Variants in CYP2A6 observed in about 807,000 individuals in gnomAD.
The protein encoded by CYP2A6 is cytochrome P450 2A6.
A neutral mutation model predicts 42.3 loss-of-function variants in CYP2A6; 27 were observed. The observed-to-expected ratio is 0.64, with a 90% CI of 0.47 to 0.88. The LOEUF is 0.88. Ranked by LOEUF, CYP2A6 falls within the 40% of genes least tolerant of loss-of-function variation. The pLI is 0.00. For synonymous variants in CYP2A6, 238 were observed against 246.3 expected (o/e 0.97, Z 0.31); for missense variants, 628 against 646.0 (o/e 0.97, Z 0.30).
At chr19:40,846,493 T>A (rs1358327983) in intron 5 of CYP2A6, among the ~76,000 whole-genome samples, 1 of 151,344 alleles carries the variant, frequency 6.6e-6, no homozygotes, top group Non-Finnish European at 1.5e-5. Context: ...CTCACTTACT[T>A]TTTAAACAAT....
intron 1 of CYP2A6, 105 bp from the exon 2 acceptor site, chr19:40,850,085 A>G (rs1967193045): frequency 6.5e-7 from 1 of 1,546,546 alleles, no homozygotes; most frequent in African/African-American, 1.4e-5. Context: ...AGGTTCTCAC[A>G]GTCAGGGAGC....
chr19:40,843,584 A>C lies in CYP2A6; in HGVS notation c.*212T>G, dbSNP rs1422954810. ...TATTATTACTACTCTTCATAGCATA[A>C]TGTAAGGGTTTCCTTCCTCTCATCC... On this transcript the variant is annotated 3_prime_UTR_variant, in exon 9 of 9. Transcript: ENST00000301141. 4 of 865,366 alleles carry C rather than the reference A, an allele frequency of 4.6e-6. No homozygotes were observed. Among genetic ancestry groups the C allele is most frequent in the Non-Finnish European group, 6.9e-6 (4 of 579,032 alleles). 53.6% of individuals were successfully genotyped at this position (865,366 alleles called of 1,614,324 possible).
rs776744913 is a variant in CYP2A6, at chr19:40,849,929, C to T, written c.232G>A (p.Val78Ile). ...VFTIHLGPRR[V>I]VVLCGHDAVR... ...GCATCATGTCCACACAGCACCACGA[C>T]CCGCCGGGGCCCCAAGTGAATGGTG... The change falls in exon 2 of 9, where the codon GTC (valine) becomes ATC (isoleucine). Residue 78 changes from valine to isoleucine, a missense_variant. Physicochemically the swap from Val to Ile is conservative, Grantham distance 29 (BLOSUM62 3). Around this residue, in one of 2 missense-constraint regions of CYP2A6, gnomAD observed 606 missense variants for 568.1 expected, o/e 1.07. Coordinates refer to ENST00000301141, the MANE Select transcript of CYP2A6 (RefSeq NM_000762.6). 6 of 1,611,464 alleles carry T rather than the reference C, an allele frequency of 3.7e-6. No homozygotes were observed. The highest frequency in any genetic ancestry group is 1.3e-5 in the African/African-American group (1 of 74,618).
rs373566142 is a variant in CYP2A6 at position 40,848,734 on chromosome 19, T to C, written c.373A>G (p.Lys125Glu). 2 of 1,611,494 alleles carry C rather than the reference T, an allele frequency of 1.2e-6. No homozygotes were observed. The highest frequency in any genetic ancestry group is 2.7e-5 in the African/African-American group (2 of 74,624). The part of the protein sequence containing the change: ...GVVFSNGERA[K>E]QLRRFSIATL... ...GCGATGGAGAAGCGCCGGAGCTGCTTGGCGCGCTCCCCGTTGCTGAATACC... is the reference window on the plus strand; with the variant it reads ...GCGATGGAGAAGCGCCGGAGCTGCTCGGCGCGCTCCCCGTTGCTGAATACC... The change falls in exon 3 of 9, where the codon AAG becomes GAG. Residue 125 changes from lysine (K) to glutamate (E), a missense_variant. Physicochemically the swap from Lys to Glu is moderately conservative, Grantham distance 56. Coordinates refer to ENST00000301141, the MANE Select transcript of CYP2A6 (RefSeq NM_000762.6).
rs746509603 is a variant in CYP2A6 at position 40,849,788 on chromosome 19, C to T, written c.343+30G>A. ...CACTGAGACCTTCGTGTCCACCTGGCCACCTTCCCCCTCTTGGGCACCCCC... is the reference window on the plus strand; with the variant it reads ...CACTGAGACCTTCGTGTCCACCTGGTCACCTTCCCCCTCTTGGGCACCCCC... On this transcript the variant is annotated intron_variant, in intron 2 of 8. Coordinates refer to ENST00000301141, the MANE Select transcript of CYP2A6 (RefSeq NM_000762.6). 5 of 1,607,924 alleles carry T rather than the reference C, an allele frequency of 3.1e-6. 1 individual carries two copies. The East Asian group carries it at 9.2e-5, about 30-fold the overall frequency.
chr19:40,849,927 G>A lies in CYP2A6; in HGVS notation c.234C>T (p.Val78=), dbSNP rs147022782. 1.7e-5 allele frequency: 27 copies of A among 1,611,250 alleles called. No individual in the cohort carries two copies. In the African/African-American group the frequency reaches 2.8e-4, roughly 17 times the overall value. The change falls in exon 2 of 9, where the codon GTC becomes GTT. Residue 78 remains valine (V), a synonymous_variant. Transcript: ENST00000301141. The part of the protein sequence containing the change: ...VFTIHLGPRR[V]VVLCGHDAVR... Reference sequence around the variant, plus strand: ...CGGCATCATGTCCACACAGCACCACGACCCGCCGGGGCCCCAAGTGAATGG... The same window carrying A: ...CGGCATCATGTCCACACAGCACCACAACCCGCCGGGGCCCCAAGTGAATGG...
chr19:40,848,940 TAGAGAGAGAGAGAGAG>T (rs67032351), intron 2 of CYP2A6, among the ~76,000 whole-genome samples, 177 bp from the exon 3 acceptor site: 4 of 66,164 alleles, frequency 6.0e-5, no homozygotes, highest in East Asian at 5.5e-4. Context: ...GATGTCGAGG[TAGAGAGAGAGAGAGAG>T]AGAGAGAGAG....
intron 7 of CYP2A6, 173 bp from the exon 8 acceptor site, chr19:40,844,945 A>G: frequency 1.1e-6 from 1 of 875,624 alleles, no homozygotes; most frequent in Non-Finnish European, 1.7e-6. Context: ...CATCTCTGAA[A>G]CAGGAAGTTT....
intron 8 of CYP2A6, 27 bp downstream of exon 8, chr19:40,844,604 G>C: frequency 1.9e-6 from 3 of 1,611,002 alleles, no homozygotes; most frequent in Non-Finnish European, 1.7e-6. Flanking sequence ...GTGAGCCGTG[G>C]CCTGGCAGCA....
intron 2 of CYP2A6, among the ~76,000 whole-genome samples, chr19:40,849,079 A>AGAGAGAGC (rs1967173402): frequency 1.4e-5 from 2 of 147,278 alleles, no homozygotes; most frequent in Non-Finnish European, 3.0e-5. Flanking sequence ...AGAGAGAGAG[A>AGAGAGAGC]GAGAGAGAGA....
At chr19:40,849,714 C>T (rs1484929367) in intron 2 of CYP2A6, 104 bp downstream of exon 2, 68 of 1,560,930 alleles carry the variant, frequency 4.4e-5, no homozygotes, top group South Asian at 1.3e-4. Context: ...AGACTGGGGA[C>T]TCTGCCTTAG....
chr19:40,844,352 G>T (rs1474696811), intron 8 of CYP2A6, among the ~76,000 whole-genome samples: 2 of 151,244 alleles, frequency 1.3e-5, no homozygotes, highest in African/African-American at 4.9e-5. Context: ...TTGCAAATAT[G>T]ACTGCTGTGC....
At position 40,850,240 on chromosome 19, in the gene CYP2A6, G is replaced by C. The variant is rs751357687; in HGVS notation, c.180+7C>G. The C allele has an allele frequency of 3.1e-6, 5 of 1,605,238 alleles. No homozygotes were observed. The East Asian group carries it at 1.2e-4, about 37-fold the overall frequency. The stretch of plus-strand genomic sequence containing the variant: ...CCCGTGCCACCCATCTCCCTGCCTT[G>C]GGACACCTTCATGAGGGAGTTGTAC... On this transcript the variant is annotated splice_region_variant and intron_variant, in intron 1 of 8. Coordinates refer to ENST00000301141, the MANE Select transcript of CYP2A6 (RefSeq NM_000762.6).
intron 5 of CYP2A6, among the ~76,000 whole-genome samples, chr19:40,846,623 G>A (rs1435064769): frequency 6.6e-6 from 1 of 151,328 alleles, no homozygotes; most frequent in African/African-American, 2.4e-5. Flanking sequence ...CTAATTTTTG[G>A]ATTTTTAGTA....
In CYP2A6 at chr19:40,843,818, G is replaced by A; in HGVS notation, c.1463C>T (p.Thr488Ile). The change falls in exon 9 of 9, where the codon ACC becomes ATC. Residue 488 changes from threonine to isoleucine, a missense_variant. By Grantham distance (89) the Thr-to-Ile change is moderately conservative. Transcript: ENST00000301141. The stretch of plus-strand genomic sequence containing the variant: ...CGCTCAGCGGGGCAGGAAGCTCATG[G>A]TGTAGTTTCGTGGGATCGTGGCAAA... ...VGFATIPRNY[T>I]MSFLPR is the part of the protein sequence containing the mutation. 6.2e-7 allele frequency: 1 copy of A among 1,609,872 alleles called. No homozygotes were observed. Among genetic ancestry groups the A allele is most frequent in the South Asian group, 1.1e-5 (1 of 90,786 alleles).
rs1192695447 is a variant in CYP2A6, at chr19:40,850,327, G to C, written c.100C>G (p.Pro34Ala). The change falls in exon 1 of 9, where the codon CCT becomes GCT. Residue 34 changes from proline to alanine, a missense_variant. Transcript: ENST00000301141. ...AAGGGCAATGGGGTGGGTCCCGGAG[G>C]CAGCTTCCCCTTGCTCTTCCTCTGC... ...WQQRKSKGKL[P>A]PGPTPLPFIG... 2 of 1,610,140 alleles carry C rather than the reference G, an allele frequency of 1.2e-6. No individual in the cohort carries two copies. Among genetic ancestry groups the C allele is most frequent in the Non-Finnish European group, 1.7e-6 (2 of 1,178,860 alleles).
Position 40,845,932 on chromosome 19 carries a change from A to G in CYP2A6, c.973+24T>C, listed in dbSNP as rs779834722. 7.5e-6 allele frequency: 12 copies of G among 1,607,328 alleles called. No individual in the cohort carries two copies. In the South Asian group the frequency reaches 1.1e-4, roughly 15 times the overall value. ...GAATTTTGAGGGTCTGGGGCCCTCC[A>G]CTTCCGTCCCCCTCCAGCCTTACCC... On this transcript the variant is annotated intron_variant, in intron 6 of 8. Coordinates refer to ENST00000301141, the MANE Select transcript of CYP2A6 (RefSeq NM_000762.6).
chr19:40,845,534 A>G (rs2083452197), intron 6 of CYP2A6, 53 bp from the exon 7 acceptor site: 1 of 1,600,440 alleles, frequency 6.2e-7, no homozygotes, highest in South Asian at 1.1e-5. Context: ...AGAGCAGGAA[A>G]TGATAGTCCG....
rs1288377680 is a variant in CYP2A6 at position 40,846,479 on chromosome 19, C to T, written c.832-382G>A. 2.0e-5 allele frequency among the ~76,000 whole-genome samples: 3 copies of T among 151,384 alleles called. 1 individual carries two copies. In the South Asian group the frequency reaches 6.3e-4, roughly 32 times the overall value. ...GGAACTGCACATGCGCATGACCATG[C>T]AGGCTCACTTACTTTTTAAACAATT... is the stretch of plus-strand genomic sequence containing the variant. On this transcript the variant is annotated intron_variant, in intron 5 of 8. Transcript: ENST00000301141.
Sources: gnomAD v4.1 joint callset for allele counts (sites outside exome capture counted in the v4.1 genomes callset) on GRCh38, gnomAD v4.1.1 for gene constraint, gnomAD v4.1.1 regional missense constraint, MANE v1.5 for transcripts, NCBI Gene and HGNC (gene_info 2026-07-23, HGNC 2026-07-21) for gene names.